Variants in GALNT18 observed in about 807,000 individuals in gnomAD.
The protein encoded by GALNT18 is polypeptide N-acetylgalactosaminyltransferase 18, also known as GalNAc-transferase 18.
GALNT18 carries 44 observed loss-of-function variants against 69.5 expected under a neutral mutation model. The ratio of observed to expected loss-of-function variants is 0.63; its 90% confidence interval spans 0.50 to 0.81. The LOEUF (loss-of-function observed/expected upper bound fraction) is 0.81, where lower values mean the gene tolerates loss of function less well. Among genes scored for constraint, GALNT18 ranks in the 40% least tolerant of loss-of-function variants. GALNT18 has a pLI of 0.00. For synonymous variants in GALNT18, 364 were observed against 318.2 expected, an observed-to-expected ratio of 1.14 and a Z score of -1.53; for missense variants, 715 against 810.0, an observed-to-expected ratio of 0.88 and a Z score of 1.42.
intron 1 of GALNT18, among the ~76,000 whole-genome samples, chr11:11,513,821 G>A (rs1857211527): frequency 6.6e-6 from 1 of 152,158 alleles, no homozygotes; most frequent in Non-Finnish European, 1.5e-5. Context: ...AAGCTTTAAA[G>A]GTGGTTGTTC....
chr11:11,388,524 G>A (rs1006856309), intron 3 of GALNT18, among the ~76,000 whole-genome samples: 1 of 152,186 alleles, frequency 6.6e-6, no homozygotes. Flanking sequence ...AAAACCTTGA[G>A]TTCTAATGTT....
At chr11:11,574,741 C>A (rs1376598510) in intron 1 of GALNT18, among the ~76,000 whole-genome samples, 1 of 150,802 alleles carries the variant, frequency 6.6e-6, no homozygotes, top group Non-Finnish European at 1.5e-5. Context: ...GCTAAGAGAT[C>A]CACACAAAAC....
At chr11:11,457,564 G>T (rs1381787539) in intron 1 of GALNT18, among the ~76,000 whole-genome samples, 1 of 152,242 alleles carries the variant, frequency 6.6e-6, no homozygotes, top group Admixed American at 6.5e-5. Flanking sequence ...TTGGGCCGCA[G>T]GAATGGTCAA....
intron 1 of GALNT18, among the ~76,000 whole-genome samples, chr11:11,524,541 G>A (rs36032722): frequency 0.23 from 35,428 of 152,062 alleles, 5,105 homozygotes; most frequent in Middle Eastern, 0.37. Flanking sequence ...TCTCACTTTC[G>A]TTTTCTCTTC....
rs1462739066 is a variant in GALNT18, at chr11:11,603,282, C to A, written c.235+18077G>T. On this transcript the variant is annotated intron_variant, in intron 1 of 10. Coordinates refer to ENST00000227756, the MANE Select transcript of GALNT18 (RefSeq NM_198516.3). This position sits in a 1 kb window ranked among gnomAD's most constrained non-coding sequence, Gnocchi z 4.5. ...AAGGCTGTAAACAGATTGTTTTGCT[C>A]CAACACTGGCTCAGTTACCACCTCA... Among the ~76,000 whole-genome samples the A allele has an allele frequency of 1.3e-5, 2 of 152,164 alleles. No individual in the cohort carries two copies. Among genetic ancestry groups the A allele is most frequent in the African/African-American group, 2.4e-5 (1 of 41,428 alleles).
At position 11,542,009 on chromosome 11, in the gene GALNT18, C is replaced by T. The variant is rs1857939241; in HGVS notation, c.235+79350G>A. 2.0e-5 allele frequency among the ~76,000 whole-genome samples: 3 copies of T among 152,136 alleles called. No homozygotes were observed. The South Asian group carries it at 6.2e-4, about 32-fold the overall frequency. On this transcript the variant is annotated intron_variant, in intron 1 of 10. Transcript: ENST00000227756. The surrounding 1 kb of genome is among the most constrained non-coding windows in gnomAD (Gnocchi z 4.3). ...CACCCTTCAGAAGACCCCAGAGACCCCGCTGTAAATATGAAGGAGCCAACC... is the reference window on the plus strand; with the variant it reads ...CACCCTTCAGAAGACCCCAGAGACCTCGCTGTAAATATGAAGGAGCCAACC...
intron 2 of GALNT18, among the ~76,000 whole-genome samples, chr11:11,446,998 C>T (rs1174811504): frequency 6.6e-6 from 1 of 152,142 alleles, no homozygotes; most frequent in African/African-American, 2.4e-5. Context: ...TTTTTTAAGG[C>T]TCCCGTGATG....
intron 2 of GALNT18, among the ~76,000 whole-genome samples, chr11:11,438,021 A>G (rs1855449342): frequency 6.6e-6 from 1 of 152,118 alleles, no homozygotes; most frequent in African/African-American, 2.4e-5. Context: ...GTCAGCATAC[A>G]AGGGTTCAGG....
rs1850198379 is a variant in GALNT18 at position 11,341,107 on chromosome 11, T to C, written c.1093-103A>G. 5 of 1,094,674 alleles carry C rather than the reference T, an allele frequency of 4.6e-6. No homozygotes were observed. The Admixed American group carries it at 9.5e-5, about 21-fold the overall frequency. 67.8% of individuals were successfully genotyped at this position (1,094,674 alleles called of 1,614,324 possible). On this transcript the variant is annotated intron_variant, in intron 6 of 10. Coordinates refer to ENST00000227756, the MANE Select transcript of GALNT18 (RefSeq NM_198516.3). The surrounding 1 kb of genome is among the most constrained non-coding windows in gnomAD (Gnocchi z 6.3). ...CATGAGCAGGAAGAAAGTCAGCCCC[T>C]TCACCTTGACTCCCCAGATCACTCT... is the stretch of plus-strand genomic sequence containing the variant.
At chr11:11,417,186 G>A (rs1169126403) in intron 3 of GALNT18, among the ~76,000 whole-genome samples, 2 of 152,304 alleles carry the variant, frequency 1.3e-5, no homozygotes, top group Non-Finnish European at 1.5e-5. Flanking sequence ...TTTCTGAAAC[G>A]GCTGCTCAGC....
At chr11:11,286,358 A>C (rs2132994398) in intron 10 of GALNT18, among the ~76,000 whole-genome samples, 1 of 152,220 alleles carries the variant, frequency 6.6e-6, no homozygotes, top group South Asian at 2.1e-4. Context: ...AGTATCCTAC[A>C]TAATGAGTGT....
chr11:11,448,643 C>A, intron 2 of GALNT18, 101 bp downstream of exon 2: 1 of 947,828 alleles, frequency 1.1e-6, no homozygotes, highest in Non-Finnish European at 1.5e-6. Flanking sequence ...GGAAAGGGAC[C>A]CAAGAATCCA....
Position 11,426,355 on chromosome 11 carries a change from C to T in GALNT18, c.595+6266G>A, listed in dbSNP as rs550432962. Among the ~76,000 whole-genome samples, 426 of 152,294 alleles carry T rather than the reference C, an allele frequency of 2.8e-3. 5 individuals carry two copies. Among genetic ancestry groups the T allele is most frequent in the African/African-American group, 0.01 (418 of 41,546 alleles). ...GAGGCTAGCTCTGGGGGAGCTGAGG[C>T]GGAGGCAGCTGTCCCAGGCTCCTCA... On this transcript the variant is annotated intron_variant, in intron 3 of 10. Coordinates refer to ENST00000227756, the MANE Select transcript of GALNT18 (RefSeq NM_198516.3).
At position 11,377,224 on chromosome 11, in the gene GALNT18, G is replaced by T. The variant is rs1853787020; in HGVS notation, c.935C>A (p.Pro312His). The change falls in exon 5 of 11, where the codon CCC (proline) becomes CAC (histidine). Residue 312 changes from proline (P) to histidine (H), a missense_variant. Transcript: ENST00000227756. This position sits in a 1 kb window ranked among gnomAD's most constrained non-coding sequence, Gnocchi z 4.6. The part of the protein sequence containing the change: ...WELWCRYLNP[P>H]KAWWKLENST... ...GTTCTCCAGCTTCCACCAGGCCTTGGGGGGATTTAGGTAGCGGCACCACAG... is the reference window on the plus strand; with the variant it reads ...GTTCTCCAGCTTCCACCAGGCCTTGTGGGGATTTAGGTAGCGGCACCACAG... The T allele has an allele frequency of 3.7e-6, 6 of 1,613,670 alleles. No homozygotes were observed. Among genetic ancestry groups the T allele is most frequent in the Non-Finnish European group, 5.1e-6 (6 of 1,180,022 alleles).
At chr11:11,281,616 G>T (rs1004639162) in intron 10 of GALNT18, among the ~76,000 whole-genome samples, 1 of 152,166 alleles carries the variant, frequency 6.6e-6, no homozygotes, top group Non-Finnish European at 1.5e-5. Context: ...CCTTTCAAGG[G>T]ACACCTTGCC....
chr11:11,383,261 C>T lies in GALNT18; in HGVS notation c.596-3997G>A, dbSNP rs79822011. The stretch of plus-strand genomic sequence containing the variant: ...CAGGGGATTCACCAGCCTGGTCAAA[C>T]AGAGCCCTTCTCCCTTCCTCATCTA... On this transcript the variant is annotated intron_variant, in intron 3 of 10. Coordinates refer to ENST00000227756, the MANE Select transcript of GALNT18 (RefSeq NM_198516.3). The surrounding 1 kb of genome is among the most constrained non-coding windows in gnomAD (Gnocchi z 5.2). Among the ~76,000 whole-genome samples the T allele has an allele frequency of 0.029, 4,456 of 152,296 alleles. 165 individuals carry two copies. The highest frequency in any genetic ancestry group is 0.19 in the East Asian group (959 of 5,174).
At chr11:11,547,110 A>G (rs567902329) in intron 1 of GALNT18, among the ~76,000 whole-genome samples, 53 of 152,326 alleles carry the variant, frequency 3.5e-4, no homozygotes, top group African/African-American at 1.3e-3. Flanking sequence ...TGAGAAACGT[A>G]CAGAAAGTAT....
intron 3 of GALNT18, among the ~76,000 whole-genome samples, chr11:11,395,580 G>A (rs1173966126): frequency 6.6e-6 from 1 of 152,206 alleles, no homozygotes; most frequent in Non-Finnish European, 1.5e-5. Context: ...TGAGGCAAGG[G>A]CCAATTGATG....
At chr11:11,360,989 G>T (rs1318819749) in intron 6 of GALNT18, among the ~76,000 whole-genome samples, 1 of 152,210 alleles carries the variant, frequency 6.6e-6, no homozygotes, top group East Asian at 1.9e-4. Context: ...TCAAAATGGA[G>T]GGAGGGGTCA....
Sources: allele counts gnomAD v4.1 joint callset (sites outside exome capture counted in the v4.1 genomes callset), GRCh38; gene constraint gnomAD v4.1.1; non-coding constraint Gnocchi (gnomAD v3.1); transcripts MANE v1.5; gene names NCBI Gene and HGNC (gene_info 2026-07-23, HGNC 2026-07-21).